Variants in ERC1 observed in about 807,000 individuals in gnomAD.
The protein encoded by ERC1 is ELKS/RAB6-interacting/CAST family member 1.
Under a neutral mutation model 132.0 loss-of-function variants are expected in ERC1, and 56 were observed. The observed-to-expected ratio is 0.42, with a 90% confidence interval of 0.34 to 0.53. ERC1 has a LOEUF of 0.53. Ranked by LOEUF, ERC1 falls within the 20% of genes least tolerant of loss-of-function variation. The probability of loss-of-function intolerance (pLI) is 0.03; values close to 1 mark genes in which losing one functional copy is unlikely to be tolerated. For missense variants in ERC1, 1,202 were observed against 1,349.9 expected (o/e 0.89, Z 1.72); for synonymous variants, 478 against 476.1 (o/e 1.00, Z -0.05).
chr12:1,010,780 T>C (rs1252228962), intron 1 of ERC1, among the ~76,000 whole-genome samples: 2 of 152,110 alleles, frequency 1.3e-5, no homozygotes, highest in East Asian at 3.9e-4. Flanking sequence ...CCGAAAGTGC[T>C]GGGATTACCG....
In ERC1 at chr12:1,289,925, C is replaced by T; in HGVS notation, c.2693C>T (p.Thr898Ile). 2 of 1,613,858 alleles carry T rather than the reference C, an allele frequency of 1.2e-6. No homozygotes were observed. The highest frequency in any genetic ancestry group is 8.5e-7 in the Non-Finnish European group (1 of 1,179,754). Residue 898 changes from threonine to isoleucine, a missense_variant, in exon 15 of 19, where the codon ACC (threonine) becomes ATC (isoleucine). Coordinates refer to ENST00000360905, the MANE Select transcript of ERC1 (RefSeq NM_178040.4). The stretch of plus-strand genomic sequence containing the variant: ...TCCATGAAAGCAAAGCTGTCCTCCA[C>T]CCAGCAGTCTCTGGCAGAAAAGGAA... ...LESMKAKLSS[T>I]QQSLAEKETH...
chr12:1,251,487 A>G (rs1227420975), intron 13 of ERC1, among the ~76,000 whole-genome samples: 1 of 152,176 alleles, frequency 6.6e-6, no homozygotes, highest in Non-Finnish European at 1.5e-5. Context: ...GTAACGGATC[A>G]CAATGGAAAA....
At chr12:1,119,142 G>A (rs574658929) in intron 7 of ERC1, among the ~76,000 whole-genome samples, 1 of 152,176 alleles carries the variant, frequency 6.6e-6, no homozygotes, top group Admixed American at 6.5e-5. Context: ...GCCTCCCAAA[G>A]TGCTCGGATT....
At chr12:1,139,600 A>AG (rs1472087466) in intron 7 of ERC1, among the ~76,000 whole-genome samples, 1 of 152,138 alleles carries the variant, frequency 6.6e-6, no homozygotes, top group Non-Finnish European at 1.5e-5. Flanking sequence ...TTCGACGACA[A>AG]GGGGGGATTA....
At chr12:1,122,539 C>G (rs1947602414) in intron 7 of ERC1, among the ~76,000 whole-genome samples, 1 of 91,890 alleles carries the variant, frequency 1.1e-5, no homozygotes, top group Non-Finnish European at 2.2e-5. Context: ...ATCTCTATCT[C>G]TATCTGTGTC....
intron 2 of ERC1, among the ~76,000 whole-genome samples, chr12:1,049,465 A>G (rs12319815): frequency 0.12 from 17,939 of 152,094 alleles, 1,534 homozygotes; most frequent in African/African-American, 0.24. Flanking sequence ...ATTTGATTTG[A>G]TTGGGCTTGG....
chr12:1,136,670 T>C (rs992871936), intron 7 of ERC1, among the ~76,000 whole-genome samples: 1 of 152,220 alleles, frequency 6.6e-6, no homozygotes, highest in African/African-American at 2.4e-5. Context: ...CAGGCAAGGA[T>C]TTATGATCTA....
intron 13 of ERC1, among the ~76,000 whole-genome samples, chr12:1,256,733 A>C (rs2076843252): frequency 6.6e-6 from 1 of 150,896 alleles, no homozygotes; most frequent in African/African-American, 2.5e-5. Context: ...ATTCAGTGAA[A>C]TGCTGAGCCA....
At chr12:1,189,796 G>C in intron 11 of ERC1, 63 bp from the exon 12 acceptor site, 2 of 1,257,048 alleles carry the variant, frequency 1.6e-6, no homozygotes, top group Admixed American at 2.4e-5. Context: ...TCATTGTTTG[G>C]GACATGGTTT....
intron 2 of ERC1, among the ~76,000 whole-genome samples, chr12:1,045,520 A>G (rs2154164826): frequency 6.6e-6 from 1 of 152,198 alleles, no homozygotes; most frequent in South Asian, 2.1e-4. Context: ...ATACCATCCT[A>G]GATGCTTTCA....
At chr12:1,157,558 T>A (rs1566106277) in intron 8 of ERC1, among the ~76,000 whole-genome samples, 1 of 152,194 alleles carries the variant, frequency 6.6e-6, no homozygotes, top group Non-Finnish European at 1.5e-5. Context: ...ACAAATAAAT[T>A]ATCAGATTAG....
At chr12:1,068,733 A>G (rs186779469) in intron 2 of ERC1, among the ~76,000 whole-genome samples, 18 of 152,322 alleles carry the variant, frequency 1.2e-4, no homozygotes, top group Non-Finnish European at 1.9e-4. Flanking sequence ...TTGCTTATCA[A>G]TTTGGTTCTT....
In ERC1 at chr12:1,121,207, C is replaced by T. The variant is rs562760511; in HGVS notation, c.1569+5174C>T. Among the ~76,000 whole-genome samples, 6 of 152,314 alleles carry T rather than the reference C, an allele frequency of 3.9e-5. No individual in the cohort carries two copies. In the South Asian group the frequency reaches 1.2e-3, roughly 32 times the overall value. On this transcript the variant is annotated intron_variant, in intron 7 of 18. Transcript: ENST00000360905. Reference sequence around the variant, plus strand: ...GAGGTTACATGACCTAGTGCCCGATCGATTCAAACCCGCAAACTTGCGTTC... The same window carrying T: ...GAGGTTACATGACCTAGTGCCCGATTGATTCAAACCCGCAAACTTGCGTTC...
At chr12:1,245,345 G>A (rs2076092495) in intron 13 of ERC1, among the ~76,000 whole-genome samples, 1 of 151,876 alleles carries the variant, frequency 6.6e-6, no homozygotes, top group African/African-American at 2.4e-5. Flanking sequence ...TGTATATTTT[G>A]TACTTCAATA....
intron 13 of ERC1, among the ~76,000 whole-genome samples, chr12:1,243,149 TGCAGTCC>T (rs199855203): frequency 0.2 from 28,494 of 144,710 alleles, 3,231 homozygotes; most frequent in Non-Finnish European, 0.26. Context: ...ATTGCGCCAC[TGCAGTCC>T]GCAGTCCGGC....
chr12:1,224,901 C>T (rs1040058970), intron 12 of ERC1, among the ~76,000 whole-genome samples: 7 of 151,130 alleles, frequency 4.6e-5, no homozygotes, highest in Non-Finnish European at 1.0e-4. Context: ...TGACATAGGA[C>T]GATCATTTGA....
intron 8 of ERC1, among the ~76,000 whole-genome samples, chr12:1,152,093 G>A (rs924131964): frequency 6.6e-6 from 1 of 151,934 alleles, no homozygotes; most frequent in African/African-American, 2.4e-5. Flanking sequence ...CCAGCTACTC[G>A]GGAGGCTGAG....
At chr12:1,415,025 T>A (rs1286446492) in intron 17 of ERC1, among the ~76,000 whole-genome samples, 1 of 152,184 alleles carries the variant, frequency 6.6e-6, no homozygotes, top group Non-Finnish European at 1.5e-5. Context: ...CAAAAGAATT[T>A]TAGAGAAATG....
chr12:1,475,215 T>C (rs1316063379), intron 18 of ERC1, among the ~76,000 whole-genome samples: 1 of 152,224 alleles, frequency 6.6e-6, no homozygotes, highest in Non-Finnish European at 1.5e-5. Context: ...ATCATCAGAT[T>C]GTTTTGGTTT....
Sources: gnomAD v4.1 joint callset for allele counts (sites outside exome capture counted in the v4.1 genomes callset) on GRCh38, gnomAD v4.1.1 for gene constraint, MANE v1.5 for transcripts, NCBI Gene and HGNC (gene_info 2026-07-23, HGNC 2026-07-21) for gene names.